Variants in FAM83B observed in about 807,000 individuals in gnomAD.
FAM83B encodes the protein scaffolding CK1 anchoring protein B.
A neutral mutation model predicts 38.8 loss-of-function variants in FAM83B; 26 were observed. The observed-to-expected ratio is 0.67, with a 90% CI of 0.49 to 0.93. The LOEUF is 0.93. Ranked by LOEUF, FAM83B falls within the 40% of genes least tolerant of loss-of-function variation. FAM83B has a pLI of 0.00. For missense variants in FAM83B, 1,237 were observed against 1,197.3 expected (o/e 1.03, Z -0.49); for synonymous variants, 419 against 423.1 (o/e 0.99, Z 0.12).
At chr6:54,852,828 A>T (rs898280091) in intron 1 of FAM83B, among the ~76,000 whole-genome samples, 1 of 152,240 alleles carries the variant, frequency 6.6e-6, no homozygotes, top group Non-Finnish European at 1.5e-5. Context: ...TCTAGAATTC[A>T]AGGCTGTTCA....
At chr6:54,883,469 G>A (rs564033704) in intron 2 of FAM83B, among the ~76,000 whole-genome samples, 20 of 151,480 alleles carry the variant, frequency 1.3e-4, no homozygotes, top group Middle Eastern at 3.4e-3. Context: ...CGAGTAGCTG[G>A]GATTACAGGC....
At chr6:54,853,787 T>C (rs1449564264) in intron 1 of FAM83B, among the ~76,000 whole-genome samples, 1 of 152,220 alleles carries the variant, frequency 6.6e-6, no homozygotes, top group African/African-American at 2.4e-5. Flanking sequence ...ACTTTGACTT[T>C]TAAGTTTTAT....
At chr6:54,938,821 T>G (rs1051767943) in intron 4 of FAM83B, among the ~76,000 whole-genome samples, 10 of 152,220 alleles carry the variant, frequency 6.6e-5, no homozygotes, top group Admixed American at 2.0e-4. Context: ...GGCTGTCTGT[T>G]TACTCTGCTG....
Position 54,941,876 on chromosome 6 carries a change from G to C in FAM83B, c.2905G>C (p.Gly969Arg), listed in dbSNP as rs1773711070. 1 of 1,614,022 alleles carries C rather than the reference G, an allele frequency of 6.2e-7. No individual in the cohort carries two copies. The highest frequency in any genetic ancestry group is 8.5e-7 in the Non-Finnish European group (1 of 1,179,994). Residue 969 changes from glycine to arginine, a missense_variant, in exon 5 of 5, where the codon GGC becomes CGC. Coordinates refer to ENST00000306858, the MANE Select transcript of FAM83B (RefSeq NM_001010872.3). ...NRPEIKSATM[G>R]NSYGRSSPLL... ...CCCAGAAATAAAATCTGCGACTATG[G>C]GCAACAGTTATGGCAGGTCTAGTCC...
upstream of FAM83B, among the ~76,000 whole-genome samples, chr6:54,846,609 T>G (rs1307524713): frequency 6.6e-6 from 1 of 152,088 alleles, no homozygotes; most frequent in East Asian, 1.9e-4. Context: ...ACTTGGGACT[T>G]GTTGTAACCC....
intron 1 of FAM83B, among the ~76,000 whole-genome samples, chr6:54,851,327 A>G (rs1184247941): frequency 6.9e-6 from 1 of 145,770 alleles, no homozygotes; most frequent in East Asian, 2.0e-4. Context: ...TTCTCTTTTT[A>G]TCTATCCCTT....
chr6:54,912,518 A>G (rs917048111), intron 2 of FAM83B, among the ~76,000 whole-genome samples: 7 of 151,528 alleles, frequency 4.6e-5, no homozygotes, highest in Non-Finnish European at 8.9e-5. Flanking sequence ...CAAACTCTAC[A>G]TCTTACAGCC....
chr6:54,870,815 G>A, intron 2 of FAM83B, 125 bp downstream of exon 2: 1 of 920,154 alleles, frequency 1.1e-6, no homozygotes, highest in Non-Finnish European at 1.6e-6. Context: ...ATTGTTTTTA[G>A]GAAAGTACCT....
intron 2 of FAM83B, among the ~76,000 whole-genome samples, chr6:54,888,645 A>G (rs190159578): frequency 6.6e-6 from 1 of 151,798 alleles, no homozygotes; most frequent in African/African-American, 2.4e-5. Flanking sequence ...AAAGGTATAT[A>G]TTTTTTCTCT....
intron 1 of FAM83B, among the ~76,000 whole-genome samples, chr6:54,869,383 A>T (rs1771789915): frequency 6.6e-6 from 1 of 152,036 alleles, no homozygotes; most frequent in Non-Finnish European, 1.5e-5. Context: ...GAATCACAAA[A>T]CTTTGTGTCC....
At chr6:54,902,114 C>A (rs1772672476) in intron 2 of FAM83B, among the ~76,000 whole-genome samples, 1 of 152,154 alleles carries the variant, frequency 6.6e-6, no homozygotes, top group South Asian at 2.1e-4. Flanking sequence ...CTCACATTGA[C>A]ACCAAGCTGT....
rs552041254 is a variant in FAM83B, at chr6:54,887,948, A to G, written c.444+17258A>G. On this transcript the variant is annotated intron_variant, in intron 2 of 4. Transcript: ENST00000306858. ...AACCAACTTTTGTCCTTTAATTGGT[A>G]TGATTAGTATATAACATGTAATTAC... 3.3e-5 allele frequency among the ~76,000 whole-genome samples: 5 copies of G among 151,238 alleles called. No individual in the cohort carries two copies. In the East Asian group the frequency reaches 9.7e-4, roughly 29 times the overall value.
intron 1 of FAM83B, among the ~76,000 whole-genome samples, chr6:54,865,478 A>G (rs1332650436): frequency 6.6e-6 from 1 of 152,126 alleles, no homozygotes; most frequent in Non-Finnish European, 1.5e-5. Flanking sequence ...GGTCACATTC[A>G]CCGGTAATGC....
chr6:54,936,014 A>T (rs568553083), intron 4 of FAM83B, among the ~76,000 whole-genome samples: 1 of 152,138 alleles, frequency 6.6e-6, no homozygotes, highest in African/African-American at 2.4e-5. Context: ...TTGGGTAGAG[A>T]TTGGACACAG....
intron 2 of FAM83B, among the ~76,000 whole-genome samples, chr6:54,910,298 C>G (rs999359820): frequency 2.6e-5 from 4 of 152,196 alleles, no homozygotes; most frequent in Admixed American, 1.3e-4. Context: ...CTCATGTACC[C>G]AACCATCCAA....
In FAM83B at chr6:54,926,516, G is replaced by A; in HGVS notation, c.590G>A (p.Cys197Tyr). The stretch of plus-strand genomic sequence containing the variant: ...CTAAATATGACTGAGAAACAAGGTT[G>A]TTCAGTTCAGCGTCTCAGGGTAAGA... ...HFLNMTEKQGCSVQRLRNIRV... is the reference protein window; with the variant it reads ...HFLNMTEKQGYSVQRLRNIRV... The change falls in exon 3 of 5, where the codon TGT becomes TAT. Residue 197 changes from cysteine (C) to tyrosine (Y), a missense_variant. Physicochemically the swap from Cys to Tyr is radical, Grantham distance 194. Coordinates refer to ENST00000306858, the MANE Select transcript of FAM83B (RefSeq NM_001010872.3). 1 of 1,590,748 alleles carries A rather than the reference G, an allele frequency of 6.3e-7. No homozygotes were observed. Among genetic ancestry groups the A allele is most frequent in the Non-Finnish European group, 8.6e-7 (1 of 1,167,872 alleles).
chr6:54,855,748 C>T (rs980073413), intron 1 of FAM83B, among the ~76,000 whole-genome samples: 6 of 152,198 alleles, frequency 3.9e-5, no homozygotes, highest in Non-Finnish European at 5.9e-5. Context: ...ATCCAAAATA[C>T]GATTCACCAA....
intron 2 of FAM83B, among the ~76,000 whole-genome samples, chr6:54,904,281 A>G (rs1176241938): frequency 6.6e-6 from 1 of 152,194 alleles, no homozygotes; most frequent in Non-Finnish European, 1.5e-5. Context: ...GGCAGTTATC[A>G]AGTCCATCTG....
At chr6:54,886,830 T>G (rs1374360442) in intron 2 of FAM83B, among the ~76,000 whole-genome samples, 1 of 152,010 alleles carries the variant, frequency 6.6e-6, no homozygotes, top group African/African-American at 2.4e-5. Flanking sequence ...GTTTATAATA[T>G]GTGAATTGGA....
Sources: allele counts gnomAD v4.1 joint callset (sites outside exome capture counted in the v4.1 genomes callset), GRCh38; gene constraint gnomAD v4.1.1; transcripts MANE v1.5; gene names NCBI Gene and HGNC (gene_info 2026-07-23, HGNC 2026-07-21).